CTNND2: variants seen among roughly 807,000 people sequenced by gnomAD.
CTNND2 encodes catenin delta 2.
A neutral mutation model predicts 144.4 loss-of-function variants in CTNND2; 22 were observed. That is an observed-to-expected ratio of 0.15 (90% CI 0.11 to 0.22). CTNND2 has a LOEUF of 0.22. Among genes scored for constraint, CTNND2 ranks in the 10% least tolerant of loss-of-function variants. The pLI is 1.00. For missense variants in CTNND2, 1,353 were observed against 1,618.8 expected (o/e 0.84, Z 2.82); for synonymous variants, 751 against 695.6 (o/e 1.08, Z -1.25).
At chr5:11,296,407 T>C (rs566149228) in intron 9 of CTNND2, among the ~76,000 whole-genome samples, 39 of 152,294 alleles carry the variant, frequency 2.6e-4, no homozygotes, top group African/African-American at 9.4e-4. Context: ...AGTTCAACCA[T>C]TGTGGAAGTC....
intron 2 of CTNND2, among the ~76,000 whole-genome samples, chr5:11,646,683 T>C (rs1272440012): frequency 3.3e-5 from 5 of 152,228 alleles, no homozygotes; most frequent in African/African-American, 1.2e-4. Context: ...TTTTGTTCAA[T>C]TTGTCTTTTT....
At chr5:11,450,769 A>G (rs1421967963) in intron 3 of CTNND2, among the ~76,000 whole-genome samples, 1 of 152,002 alleles carries the variant, frequency 6.6e-6, no homozygotes, top group Non-Finnish European at 1.5e-5. Flanking sequence ...GTGGTGGCGC[A>G]TGCTTGTAAT....
At chr5:11,662,160 TATATATGTGTATATATAC>T (rs966277508) in intron 2 of CTNND2, among the ~76,000 whole-genome samples, 39 of 144,186 alleles carry the variant, frequency 2.7e-4, no homozygotes, top group East Asian at 2.2e-3. Flanking sequence ...TATATATGTG[TATATATGTGTATATATAC>T]ATATATGTGT....
chr5:11,083,791 G>T, intron 15 of CTNND2: 1 of 624,660 alleles, frequency 1.6e-6, no homozygotes, highest in South Asian at 3.5e-5. Flanking sequence ...GGTCCTCCTG[G>T]GGACCAGTCC....
intron 3 of CTNND2, among the ~76,000 whole-genome samples, chr5:11,522,191 T>C (rs76515068): frequency 0.025 from 3,782 of 152,328 alleles, 167 homozygotes; most frequent in African/African-American, 0.087. Flanking sequence ...TGAATCTCTA[T>C]GTGTTAGAAG....
chr5:11,522,073 G>A (rs574423495), intron 3 of CTNND2, among the ~76,000 whole-genome samples: 1 of 152,116 alleles, frequency 6.6e-6, no homozygotes, highest in Admixed American at 6.6e-5. Flanking sequence ...ATGATTATTG[G>A]CTATTAATTC....
At chr5:11,278,135 C>G (rs1178196778) in intron 9 of CTNND2, among the ~76,000 whole-genome samples, 1 of 152,118 alleles carries the variant, frequency 6.6e-6, no homozygotes, top group Non-Finnish European at 1.5e-5. Flanking sequence ...CTCGTCCCTC[C>G]CCACCAGCTA....
intron 16 of CTNND2, among the ~76,000 whole-genome samples, chr5:11,060,779 T>G (rs561261569): frequency 6.0e-4 from 92 of 152,334 alleles, no homozygotes; most frequent in Admixed American, 2.2e-3. Flanking sequence ...CAAGGAAACA[T>G]TACCTCTTGT....
chr5:11,227,172 T>A (rs1396344286), intron 10 of CTNND2, among the ~76,000 whole-genome samples: 2 of 152,258 alleles, frequency 1.3e-5, no homozygotes, highest in Non-Finnish European at 2.9e-5. Context: ...TACATTTAAC[T>A]GTTGGAAAGA....
intron 16 of CTNND2, among the ~76,000 whole-genome samples, chr5:11,025,633 A>G (rs954216080): frequency 3.9e-5 from 6 of 152,226 alleles, no homozygotes; most frequent in African/African-American, 1.4e-4. Flanking sequence ...TGCATTAAGA[A>G]GGAAGGTTTC....
intron 3 of CTNND2, among the ~76,000 whole-genome samples, chr5:11,442,584 G>T (rs1452317071): frequency 6.6e-6 from 1 of 151,844 alleles, no homozygotes; most frequent in Non-Finnish European, 1.5e-5. Flanking sequence ...TGGGAAATAG[G>T]ATTAGCTTTA....
At chr5:11,795,275 T>A (rs962659400) in intron 1 of CTNND2, among the ~76,000 whole-genome samples, 1 of 152,070 alleles carries the variant, frequency 6.6e-6, no homozygotes, top group Non-Finnish European at 1.5e-5. Context: ...GAAGCGACCC[T>A]TCAGCTGAGC....
chr5:11,549,996 G>A (rs536584818), intron 3 of CTNND2, among the ~76,000 whole-genome samples: 24 of 152,112 alleles, frequency 1.6e-4, no homozygotes, highest in African/African-American at 4.8e-4. Flanking sequence ...ATCTATTCAC[G>A]CATATAACAT....
In CTNND2 at chr5:11,675,924, C is replaced by G. The variant is rs551977436; in HGVS notation, c.174+56212G>C. Among the ~76,000 whole-genome samples the G allele has an allele frequency of 9.2e-5, 14 of 151,612 alleles. No homozygotes were observed. In the South Asian group the frequency reaches 2.7e-3, roughly 29 times the overall value. On this transcript the variant is annotated intron_variant, in intron 2 of 21. Coordinates refer to ENST00000304623, the MANE Select transcript of CTNND2 (RefSeq NM_001332.4). ...ATATTTGTATATGCTTCATGAAGTT[C>G]TCATGCTGTTTTCTTCAGCTCCATC... is the stretch of plus-strand genomic sequence containing the variant.
At chr5:11,362,945 T>C (rs1436551619) in intron 8 of CTNND2, among the ~76,000 whole-genome samples, 1 of 152,276 alleles carries the variant, frequency 6.6e-6, no homozygotes, top group African/African-American at 2.4e-5. Flanking sequence ...GATACATAAA[T>C]GAATGGGTAT....
At chr5:11,473,868 A>T (rs1038689574) in intron 3 of CTNND2, among the ~76,000 whole-genome samples, 4 of 152,250 alleles carry the variant, frequency 2.6e-5, no homozygotes, top group Admixed American at 1.3e-4. Flanking sequence ...GCAGTGTGCA[A>T]AGAAGCTGTG....
intron 2 of CTNND2, among the ~76,000 whole-genome samples, chr5:11,585,484 ATATCTATCTATC>A (rs57085841): frequency 6.7e-6 from 1 of 149,994 alleles, no homozygotes; most frequent in Non-Finnish European, 1.5e-5. Flanking sequence ...TTATCTATGT[ATATCTATCTATC>A]TATCTATCTA....
chr5:11,544,042 T>A (rs1169088246), intron 3 of CTNND2, among the ~76,000 whole-genome samples: 1 of 151,880 alleles, frequency 6.6e-6, no homozygotes, highest in Non-Finnish European at 1.5e-5. Context: ...AGAATCAAAG[T>A]GAAGGACACT....
intron 2 of CTNND2, among the ~76,000 whole-genome samples, chr5:11,667,712 G>C (rs924312960): frequency 3.9e-5 from 6 of 152,168 alleles, no homozygotes; most frequent in Non-Finnish European, 5.9e-5. Context: ...CCATTCTGTA[G>C]ATTGTCTGTT....
Sources: allele counts gnomAD v4.1 joint callset (sites outside exome capture counted in the v4.1 genomes callset), GRCh38; gene constraint gnomAD v4.1.1; transcripts MANE v1.5; gene names NCBI Gene and HGNC (gene_info 2026-07-23, HGNC 2026-07-21).